The following FTCDNL1 variants were observed in gnomAD, a reference collection of about 807,000 sequenced individuals.
FTCDNL1 encodes the protein formiminotransferase N-terminal subdomain-containing protein.
In FTCDNL1, 11 loss-of-function variants were observed where a neutral mutation model predicts 5.9. The observed-to-expected ratio is 1.87, with a 90% CI of 1.18 to 3.10. The LOEUF (loss-of-function observed/expected upper bound fraction) is 3.10. Ranked by LOEUF, FTCDNL1 falls within the 30% of genes most tolerant of loss-of-function variation. The pLI is 0.00. For missense variants in FTCDNL1, 115 were observed against 65.5 expected (o/e 1.76, Z -2.61); for synonymous variants, 58 against 24.8 (o/e 2.34, Z -3.99).
the FTCDNL1 span, among the ~76,000 whole-genome samples, chr2:199,702,856 A>C: frequency 3.9e-5 from 6 of 152,174 alleles, no homozygotes; most frequent in African/African-American, 1.4e-4. Flanking sequence ...AGCCCTGAAA[A>C]GGCATCAGCC....
chr2:199,774,887 A>T (rs1457881785), intron 3 of FTCDNL1, among the ~76,000 whole-genome samples: 2 of 152,204 alleles, frequency 1.3e-5, no homozygotes, highest in Non-Finnish European at 2.9e-5. Flanking sequence ...GTCTTTCTCC[A>T]GGGCATGAGA....
the FTCDNL1 span, among the ~76,000 whole-genome samples, chr2:199,718,495 G>A: frequency 6.6e-6 from 1 of 152,134 alleles, no homozygotes; most frequent in African/African-American, 2.4e-5. Flanking sequence ...CTTGTAAATA[G>A]TGATGCAATT....
At chr2:199,770,186 A>G (rs1315243408) in intron 3 of FTCDNL1, among the ~76,000 whole-genome samples, 1 of 152,184 alleles carries the variant, frequency 6.6e-6, no homozygotes, top group Admixed American at 6.5e-5. Flanking sequence ...TAGGCACTCA[A>G]CAAAAGTCTT....
At chr2:199,794,721 T>A (rs923120889) in intron 3 of FTCDNL1, among the ~76,000 whole-genome samples, 1 of 151,858 alleles carries the variant, frequency 6.6e-6, no homozygotes, top group African/African-American at 2.4e-5. Context: ...CTACAAAAAA[T>A]ACAAAAAATT....
the FTCDNL1 span, among the ~76,000 whole-genome samples, chr2:199,699,482 C>A: frequency 6.6e-6 from 1 of 151,908 alleles, no homozygotes; most frequent in African/African-American, 2.4e-5. Context: ...AGAGTTTGTA[C>A]CAATACTACT....
At chr2:199,686,158 T>C in the FTCDNL1 span, among the ~76,000 whole-genome samples, 1 of 152,236 alleles carries the variant, frequency 6.6e-6, no homozygotes, top group Non-Finnish European at 1.5e-5. Flanking sequence ...AACAGAGATA[T>C]GATCATAGTG....
At chr2:199,739,255 G>A in the FTCDNL1 span, among the ~76,000 whole-genome samples, 123 of 152,036 alleles carry the variant, frequency 8.1e-4, no homozygotes, top group Non-Finnish European at 1.5e-3. Flanking sequence ...CCACTGGAGA[G>A]GAGATAGCCC....
At chr2:199,684,985 G>A in the FTCDNL1 span, among the ~76,000 whole-genome samples, 1 of 151,966 alleles carries the variant, frequency 6.6e-6, no homozygotes, top group African/African-American at 2.4e-5. Context: ...TTTTCCCTGA[G>A]TCTGTAATCT....
the FTCDNL1 span, among the ~76,000 whole-genome samples, chr2:199,679,080 A>T: frequency 6.6e-6 from 1 of 152,128 alleles, no homozygotes; most frequent in Non-Finnish European, 1.5e-5. Context: ...CCGGCATTCA[A>T]AATGTTCTTT....
chr2:199,683,776 A>C, the FTCDNL1 span, among the ~76,000 whole-genome samples: 1 of 152,292 alleles, frequency 6.6e-6, no homozygotes, highest in Non-Finnish European at 1.5e-5. Context: ...AATGCAAAAT[A>C]CCTTTAATTC....
intron 3 of FTCDNL1, among the ~76,000 whole-genome samples, chr2:199,835,443 A>G (rs747876472): frequency 9.9e-5 from 15 of 152,180 alleles, no homozygotes; most frequent in Non-Finnish European, 1.6e-4. Flanking sequence ...TAATATCATA[A>G]TACATTGTTG....
intron 3 of FTCDNL1, among the ~76,000 whole-genome samples, chr2:199,802,954 T>C (rs1472866990): frequency 6.6e-6 from 1 of 151,610 alleles, no homozygotes; most frequent in Non-Finnish European, 1.5e-5. Flanking sequence ...GAGGCTGAGG[T>C]AGGAAGATCA....
intron 3 of FTCDNL1, among the ~76,000 whole-genome samples, chr2:199,789,135 T>G (rs1004316576): frequency 6.6e-6 from 1 of 152,078 alleles, no homozygotes; most frequent in African/African-American, 2.4e-5. Flanking sequence ...GTTCTTGAAT[T>G]TATTTTATAT....
At chr2:199,748,755 A>G in the FTCDNL1 span, among the ~76,000 whole-genome samples, 2 of 152,158 alleles carry the variant, frequency 1.3e-5, no homozygotes, top group Non-Finnish European at 2.9e-5. Flanking sequence ...AGGGAAGGGA[A>G]TTTACTAGAA....
the FTCDNL1 span, among the ~76,000 whole-genome samples, chr2:199,720,080 G>A: frequency 1.3e-5 from 2 of 152,096 alleles, no homozygotes. Flanking sequence ...TTGGTGTATA[G>A]AAATGCTATT....
the FTCDNL1 span, among the ~76,000 whole-genome samples, chr2:199,684,070 A>T: frequency 6.6e-6 from 1 of 152,238 alleles, no homozygotes; most frequent in African/African-American, 2.4e-5. Flanking sequence ...GATGATGGGT[A>T]ACTGTCTGTT....
At chr2:199,696,238 A>T in the FTCDNL1 span, among the ~76,000 whole-genome samples, 2 of 152,182 alleles carry the variant, frequency 1.3e-5, no homozygotes, top group African/African-American at 2.4e-5. Flanking sequence ...TCAAGCACGC[A>T]TACATGGACC....
At chr2:199,762,048 A>G (rs564050330) in intron 3 of FTCDNL1, among the ~76,000 whole-genome samples, 3 of 152,168 alleles carry the variant, frequency 2.0e-5, no homozygotes, top group East Asian at 1.9e-4. Context: ...ACGATAGCCG[A>G]TGAGAAAAAA....
the FTCDNL1 span, among the ~76,000 whole-genome samples, chr2:199,699,692 T>C: frequency 6.6e-6 from 1 of 152,176 alleles, no homozygotes; most frequent in Admixed American, 6.5e-5. Context: ...ACCAAAAAGC[T>C]AGTCCACCAT....
Sources: allele counts gnomAD v4.1 joint callset (sites outside exome capture counted in the v4.1 genomes callset), GRCh38; gene constraint gnomAD v4.1.1; transcripts MANE v1.5; gene names NCBI Gene and HGNC (gene_info 2026-07-23, HGNC 2026-07-21).